Variants in CRACR2B observed in about 807,000 individuals in gnomAD.
The protein encoded by CRACR2B is calcium release activated channel regulator 2B, also known as EF-hand calcium-binding domain-containing protein 4A.
CRACR2B carries 50 observed loss-of-function variants against 46.0 expected under a neutral mutation model. The observed-to-expected ratio is 1.09, with a 90% confidence interval of 0.87 to 1.38. The LOEUF is 1.38. Ranked by LOEUF, CRACR2B falls within the 40% of genes most tolerant of loss-of-function variation. The probability of loss-of-function intolerance (pLI) is 0.00; values close to 1 mark genes in which losing one functional copy is unlikely to be tolerated. For missense variants in CRACR2B, 667 were observed against 535.0 expected (o/e 1.25, Z -2.43); for synonymous variants, 277 against 239.6 (o/e 1.16, Z -1.44).
At position 830,990 on chromosome 11, in the gene CRACR2B, G is replaced by A. The variant is rs1291086942; in HGVS notation, c.911G>A (p.Arg304Lys). Residue 304 changes from arginine to lysine, a missense_variant, in exon 7 of 9, where the codon AGG becomes AAG. Arg to Lys is a conservative substitution (Grantham distance 26). Coordinates refer to ENST00000525077, the MANE Select transcript of CRACR2B (RefSeq NM_001286606.2). Reference sequence around the variant, plus strand: ...GAGGGGGCGCAGGAGCAGATCCGCAGGCTGGAGAGCGAAGCACGAGGCCGC... The same window carrying A: ...GAGGGGGCGCAGGAGCAGATCCGCAAGCTGGAGAGCGAAGCACGAGGCCGC... ...QLEGAQEQIRRLESEARGRQE... is the reference protein window; with the variant it reads ...QLEGAQEQIRKLESEARGRQE... 6.5e-7 allele frequency: 1 copy of A among 1,533,826 alleles called. No individual in the cohort carries two copies. The highest frequency in any genetic ancestry group is 1.4e-5 in the African/African-American group (1 of 73,112).
chr11:829,522 T>C lies in CRACR2B; in HGVS notation c.440T>C (p.Val147Ala). 6.3e-7 allele frequency: 1 copy of C among 1,595,112 alleles called. No homozygotes were observed. The highest frequency in any genetic ancestry group is 8.5e-7 in the Non-Finnish European group (1 of 1,172,546). ...CACACTGTGCTGGAGCAGCTGGGGGTGGCCCCGGTCCTGGGCAAGTGAGTC... is the reference window on the plus strand; with the variant it reads ...CACACTGTGCTGGAGCAGCTGGGGGCGGCCCCGGTCCTGGGCAAGTGAGTC... ...RFHTVLEQLG[V>A]APVLGKQRAV... Residue 147 changes from valine to alanine, a missense_variant, in exon 3 of 9, where the codon GTG (valine) becomes GCG (alanine). Val to Ala is a moderately conservative substitution (Grantham distance 64). Transcript: ENST00000525077.
Position 831,620 on chromosome 11 carries a change from G to T in CRACR2B, c.1111G>T (p.Ala371Ser). 6.4e-7 allele frequency: 1 copy of T among 1,564,418 alleles called. No homozygotes were observed. Among genetic ancestry groups the T allele is most frequent in the Non-Finnish European group, 8.6e-7 (1 of 1,162,688 alleles). Reference sequence around the variant, plus strand: ...CAGCTGCAGGAAGGCTCTGACAACAGCCCGCCTGCCTGGGCCCACCTGCTG... The same window carrying T: ...CAGCTGCAGGAAGGCTCTGACAACATCCCGCCTGCCTGGGCCCACCTGCTG... ...GSSCRKALTT[A>S]RLPGPTCCCC... The change falls in exon 9 of 9, where the codon GCC becomes TCC. Residue 371 changes from alanine to serine, a missense_variant. By Grantham distance (99) the Ala-to-Ser change is moderately conservative. Transcript: ENST00000525077.
intron 3 of CRACR2B, 85 bp from the exon 4 acceptor site, chr11:829,901 A>G: frequency 6.8e-7 from 1 of 1,477,584 alleles, no homozygotes; most frequent in Non-Finnish European, 9.0e-7. Context: ...GGGGCGAAGA[A>G]GTCTCCTAAG....
intron 8 of CRACR2B, 110 bp downstream of exon 8, chr11:831,405 G>A: frequency 1.3e-6 from 2 of 1,488,702 alleles, no homozygotes; most frequent in African/African-American, 1.4e-5. Context: ...CCTTCCTTAT[G>A]CCTGCCTTTC....
chr11:828,798 C>T (rs1590190867), intron 1 of CRACR2B, 26 bp downstream of exon 1: 1 of 1,612,562 alleles, frequency 6.2e-7, no homozygotes. Context: ...CAAGAGACTG[C>T]TTCGGCCCTG....
At position 828,595 on chromosome 11, in the gene CRACR2B, G is replaced by A. The variant is rs777727582; in HGVS notation, c.-13G>A. On this transcript the variant is annotated 5_prime_UTR_variant, in exon 1 of 9. Coordinates refer to ENST00000525077, the MANE Select transcript of CRACR2B (RefSeq NM_001286606.2). The stretch of plus-strand genomic sequence containing the variant: ...CACAGCACCTGAAGGCCAGGCTGAG[G>A]CCCCCTGCTCTCATGGCCAGCCCTG... 1.9e-5 allele frequency: 30 copies of A among 1,574,512 alleles called. No individual in the cohort carries two copies. Among genetic ancestry groups the A allele is most frequent in the East Asian group, 2.2e-5 (1 of 44,502 alleles).
In CRACR2B at chr11:828,787, C is replaced by A. The variant is rs1283175707; in HGVS notation, c.165+15C>A. 1 of 1,612,702 alleles carries A rather than the reference C, an allele frequency of 6.2e-7. No homozygotes were observed. The highest frequency in any genetic ancestry group is 1.3e-5 in the African/African-American group (1 of 75,030). ...ACGACCTGCAGGTGAGTCCCCCACCCCAAGAGACTGCTTCGGCCCTGGGTT... is the reference window on the plus strand; with the variant it reads ...ACGACCTGCAGGTGAGTCCCCCACCACAAGAGACTGCTTCGGCCCTGGGTT... On this transcript the variant is annotated intron_variant, in intron 1 of 8. Coordinates refer to ENST00000525077, the MANE Select transcript of CRACR2B (RefSeq NM_001286606.2).
rs1345389056 is a variant in CRACR2B, at chr11:830,331, G to A, written c.687G>A (p.Pro229=). The part of the protein sequence containing the change: ...EQLREQSRRP[P]SQNFARGERR... ...TTCGGGAGCAGAGCCGGCGCCCGCC[G>A]AGTCAGGTGGGCCTCGGGCCCCGCC... Residue 229 remains proline (P), a synonymous_variant, in exon 5 of 9, where the codon CCG becomes CCA. Coordinates refer to ENST00000525077, the MANE Select transcript of CRACR2B (RefSeq NM_001286606.2). The A allele has an allele frequency of 2.0e-6, 3 of 1,535,132 alleles. No individual in the cohort carries two copies. Among genetic ancestry groups the A allele is most frequent in the Non-Finnish European group, 1.7e-6 (2 of 1,144,706 alleles).
At position 828,877 on chromosome 11, in the gene CRACR2B, C is replaced by T. The variant is rs766854771; in HGVS notation, c.191C>T (p.Thr64Met). The T allele has an allele frequency of 1.8e-5, 29 of 1,610,494 alleles. No individual in the cohort carries two copies. The highest frequency in any genetic ancestry group is 5.3e-5 in the African/African-American group (4 of 74,946). Residue 64 changes from threonine (T) to methionine (M), a missense_variant, in exon 2 of 9, where the codon ACG becomes ATG. Physicochemically the swap from Thr to Met is moderately conservative, Grantham distance 81 (BLOSUM62 -1). Transcript: ENST00000525077. Reference sequence around the variant, plus strand: ...GGTCTCCAGAGCGACCTGCCCCTCACGCCAGAGCAGCTGGAGGCTGTGTTT... The same window carrying T: ...GGTCTCCAGAGCGACCTGCCCCTCATGCCAGAGCAGCTGGAGGCTGTGTTT... Reference protein sequence around the residue: ...LQGLQSDLPLTPEQLEAVFES... With the variant: ...LQGLQSDLPLMPEQLEAVFES...
chr11:830,712 AG>A lies in CRACR2B; in HGVS notation c.786+1del. 6.5e-7 allele frequency: 1 copy of A among 1,532,148 alleles called. No individual in the cohort carries two copies. Among genetic ancestry groups the A allele is most frequent in the Non-Finnish European group, 8.8e-7 (1 of 1,140,552 alleles). 94.9% of individuals were successfully genotyped at this position (1,532,148 alleles called of 1,614,324 possible). On this transcript the variant is annotated frameshift_variant and splice_region_variant, in exon 6 of 9. Coordinates refer to ENST00000525077, the MANE Select transcript of CRACR2B (RefSeq NM_001286606.2). LOFTEE classifies it high-confidence loss of function. ...GAACGCGCGGGCCTGCGGCAGCGGGAGGTGAGCACCCGGCCCCTGCCCTGTC... is the reference window on the plus strand; with the variant it reads ...GAACGCGCGGGCCTGCGGCAGCGGGAGTGAGCACCCGGCCCCTGCCCTGTC... ...DLERAGLRQR[E>X]LEQQLHAQAA...
chr11:827,911 A>AG (rs1692216142), upstream of CRACR2B, among the ~76,000 whole-genome samples: 1 of 152,156 alleles, frequency 6.6e-6, no homozygotes, highest in Non-Finnish European at 1.5e-5. Context: ...GAAACGGGGA[A>AG]GGGCCTCAGT....
At position 830,020 on chromosome 11, in the gene CRACR2B, C is replaced by A; in HGVS notation, c.493C>A (p.Gln165Lys). The change falls in exon 4 of 9, where the codon CAG becomes AAG. Residue 165 changes from glutamine to lysine, a missense_variant. By Grantham distance (53) the Gln-to-Lys change is moderately conservative. Coordinates refer to ENST00000525077, the MANE Select transcript of CRACR2B (RefSeq NM_001286606.2). The part of the protein sequence containing the change: ...RAVRTLWARL[Q>K]RERPELLGSF... ...TGTGAGGACGCTCTGGGCCAGGCTG[C>A]AGCGCGAGCGCCCCGAGCTGCTGGG... is the stretch of plus-strand genomic sequence containing the variant. 1 of 1,570,690 alleles carries A rather than the reference C, an allele frequency of 6.4e-7. No homozygotes were observed. The highest frequency in any genetic ancestry group is 8.6e-7 in the Non-Finnish European group (1 of 1,164,228).
rs911046431 is a variant in CRACR2B, at chr11:828,896, T to C, written c.210T>C (p.Ala70=). The change falls in exon 2 of 9, where the codon GCT becomes GCC. Residue 70 remains alanine (A), a synonymous_variant. Transcript: ENST00000525077. ...DLPLTPEQLE[A]VFESLDRAHT... is the part of the protein sequence containing the mutation. ...CCCTCACGCCAGAGCAGCTGGAGGCTGTGTTTGAAAGTCTGGACCGGGCTC... is the reference window on the plus strand; with the variant it reads ...CCCTCACGCCAGAGCAGCTGGAGGCCGTGTTTGAAAGTCTGGACCGGGCTC... 2 of 1,609,568 alleles carry C rather than the reference T, an allele frequency of 1.2e-6. No homozygotes were observed. Among genetic ancestry groups the C allele is most frequent in the African/African-American group, 2.7e-5 (2 of 74,922 alleles).
intron 8 of CRACR2B, 88 bp from the exon 9 acceptor site, chr11:831,445 CCT>C: frequency 6.7e-7 from 1 of 1,488,816 alleles, no homozygotes; most frequent in Non-Finnish European, 9.0e-7. Flanking sequence ...CAGCCAGACA[CCT>C]CTCTTCGCTC....
At position 829,516 on chromosome 11, in the gene CRACR2B, T is replaced by TG; in HGVS notation, c.439dup (p.Val147GlyfsTer205). 1 of 1,598,522 alleles carries TG rather than the reference T, an allele frequency of 6.3e-7. No homozygotes were observed. The highest frequency in any genetic ancestry group is 1.1e-5 in the South Asian group (1 of 88,804). On this transcript the variant is annotated frameshift_variant, in exon 3 of 9. Transcript: ENST00000525077. LOFTEE classifies it high-confidence loss of function. ...CGATTCCACACTGTGCTGGAGCAGC[T>TG]GGGGGTGGCCCCGGTCCTGGGCAAG...
intron 8 of CRACR2B, 74 bp from the exon 9 acceptor site, chr11:831,461 G>C: frequency 6.6e-7 from 1 of 1,503,960 alleles, no homozygotes; most frequent in Non-Finnish European, 8.9e-7. Flanking sequence ...TTCGCTCTGA[G>C]GGGAGTCGGA....
In CRACR2B at chr11:830,252, G is replaced by A. The variant is rs1444200829; in HGVS notation, c.608G>A (p.Arg203His). ...RDGLEQALRR[R>H]ESEHEREVRA... Reference sequence around the variant, plus strand: ...CGGGGTCGCCCGGTCCCCCGAAGGCGCGAGAGCGAGCACGAGAGGGAGGTG... The same window carrying A: ...CGGGGTCGCCCGGTCCCCCGAAGGCACGAGAGCGAGCACGAGAGGGAGGTG... The change falls in exon 5 of 9, where the codon CGC becomes CAC. Residue 203 changes from arginine to histidine, a missense_variant and splice_region_variant. By Grantham distance (29) the Arg-to-His change is conservative (BLOSUM62 0). Coordinates refer to ENST00000525077, the MANE Select transcript of CRACR2B (RefSeq NM_001286606.2). The A allele has an allele frequency of 4.0e-6, 6 of 1,512,000 alleles. No homozygotes were observed. The South Asian group carries it at 7.4e-5, about 19-fold the overall frequency. The allele number at this position is 1,512,000 out of a possible 1,614,324, so 93.7% of individuals were successfully genotyped here.
At position 830,724 on chromosome 11, in the gene CRACR2B, G is replaced by A. The variant is rs1846339671; in HGVS notation, c.786+11G>A. On this transcript the variant is annotated intron_variant, in intron 6 of 8. Coordinates refer to ENST00000525077, the MANE Select transcript of CRACR2B (RefSeq NM_001286606.2). ...CTGCGGCAGCGGGAGGTGAGCACCC[G>A]GCCCCTGCCCTGTCCCCACGGTCAC... The A allele has an allele frequency of 2.0e-6, 3 of 1,524,440 alleles. No individual in the cohort carries two copies. Among genetic ancestry groups the A allele is most frequent in the South Asian group, 1.2e-5 (1 of 80,564 alleles). 94.4% of individuals were successfully genotyped at this position (1,524,440 alleles called of 1,614,324 possible).
rs1277488727 is a variant in CRACR2B, at chr11:828,642, C to G, written c.35C>G (p.Ala12Gly). The G allele has an allele frequency of 6.2e-7, 1 of 1,606,792 alleles. No individual in the cohort carries two copies. Among genetic ancestry groups the G allele is most frequent in the South Asian group, 1.1e-5 (1 of 90,572 alleles). ...CCTGGAAAGCCTGGGGCTGATGAGG[C>G]CCAGGAGGAGGAGGGGGAACTCGAG... ...ASPGKPGADE[A>G]QEEEGELEGG... The change falls in exon 1 of 9, where the codon GCC (alanine) becomes GGC (glycine). Residue 12 changes from alanine to glycine, a missense_variant. Ala to Gly is a moderately conservative substitution (Grantham distance 60). Transcript: ENST00000525077.
Sources: allele counts gnomAD v4.1 joint callset (sites outside exome capture counted in the v4.1 genomes callset), GRCh38; gene constraint gnomAD v4.1.1; transcripts MANE v1.5; gene names NCBI Gene and HGNC (gene_info 2026-07-23, HGNC 2026-07-21).